FRYL: variants seen among roughly 807,000 people sequenced by gnomAD.
FRYL encodes the protein FRY like transcription coactivator.
Under a neutral mutation model 351.2 loss-of-function variants are expected in FRYL, and 150 were observed. The ratio of observed to expected loss-of-function variants is 0.43; its 90% CI spans 0.37 to 0.49. The LOEUF is 0.49. Among genes scored for constraint, FRYL ranks in the 20% least tolerant of loss-of-function variants. FRYL has a pLI of 0.00. For synonymous variants in FRYL, 1,153 were observed against 1,257.1 expected (o/e 0.92, Z 1.75); for missense variants, 3,036 against 3,619.3 (o/e 0.84, Z 4.13).
At chr4:48,686,540 C>T (rs1425919516) in intron 2 of FRYL, among the ~76,000 whole-genome samples, 1 of 152,168 alleles carries the variant, frequency 6.6e-6, no homozygotes, top group South Asian at 2.1e-4. Flanking sequence ...AAATAGCATG[C>T]CATGTCTTGT....
intron 55 of FRYL, among the ~76,000 whole-genome samples, chr4:48,518,849 T>G (rs769726887): frequency 2.0e-5 from 3 of 152,226 alleles, no homozygotes; most frequent in African/African-American, 7.2e-5. Flanking sequence ...ATGAGACATA[T>G]TATTTACATT....
intron 3 of FRYL, among the ~76,000 whole-genome samples, chr4:48,641,598 C>T (rs941323077): frequency 2.0e-5 from 3 of 152,086 alleles, no homozygotes; most frequent in Non-Finnish European, 4.4e-5. Context: ...AACATCACTC[C>T]TAATTATAGC....
intron 53 of FRYL, among the ~76,000 whole-genome samples, chr4:48,523,715 A>C (rs1427955137): frequency 6.6e-6 from 1 of 152,212 alleles, no homozygotes. Flanking sequence ...TTAAAACAAC[A>C]TTTCTATGAT....
intron 50 of FRYL, among the ~76,000 whole-genome samples, chr4:48,530,683 T>C (rs551463978): frequency 6.6e-6 from 1 of 152,264 alleles, no homozygotes; most frequent in South Asian, 2.1e-4. Flanking sequence ...AACACCATGC[T>C]TTCTCACGCT....
At chr4:48,756,586 T>C (rs570885068) in intron 1 of FRYL, among the ~76,000 whole-genome samples, 7 of 152,308 alleles carry the variant, frequency 4.6e-5, no homozygotes, top group Admixed American at 1.3e-4. Flanking sequence ...ACAACCAACA[T>C]AGTGTTTATT....
At chr4:48,565,492 GCTCTT>G in intron 29 of FRYL, 34 bp downstream of exon 29, 1 of 1,466,216 alleles carries the variant, frequency 6.8e-7, no homozygotes, top group Non-Finnish European at 9.1e-7. Context: ...ACTTAACTCT[GCTCTT>G]AAGAAAAAAG....
At position 48,590,819 on chromosome 4, in the gene FRYL, T is replaced by C. The variant is rs1743071182; in HGVS notation, c.1347A>G (p.Ile449Met). 1 of 1,607,698 alleles carries C rather than the reference T, an allele frequency of 6.2e-7. No individual in the cohort carries two copies. The highest frequency in any genetic ancestry group is 1.1e-5 in the South Asian group (1 of 89,368). Residue 449 changes from isoleucine to methionine, a missense_variant, in exon 17 of 64, where the codon ATA (isoleucine) becomes ATG (methionine). Physicochemically the swap from Ile to Met is conservative, Grantham distance 10. This residue lies in a region of FRYL where 457 missense variants were observed against 566.6 expected (regional missense o/e 0.81). Coordinates refer to ENST00000358350, the MANE Select transcript of FRYL (RefSeq NM_015030.2). ...TFTINPERMN[I>M]GLRVFLVIAD... ...CTATTACAAGGAAGACTCTGAGACC[T>C]ATGTTCATTCTCTTCAAAGGAAAAA...
At position 48,576,066 on chromosome 4, in the gene FRYL, C is replaced by T. The variant is rs780941962; in HGVS notation, c.2685G>A (p.Ala895=). The T allele has an allele frequency of 7.4e-6, 12 of 1,612,916 alleles. No homozygotes were observed. Among genetic ancestry groups the T allele is most frequent in the Admixed American group, 3.3e-5 (2 of 59,816 alleles). Residue 895 remains alanine (A), a synonymous_variant, in exon 24 of 64, where the codon GCG becomes GCA. Transcript: ENST00000358350. Reference sequence around the variant, plus strand: ...TGCTATAGCCGCTATCTGGGGTAGACGCCAGCGTCTCAGGAGGAGAACATC... The same window carrying T: ...TGCTATAGCCGCTATCTGGGGTAGATGCCAGCGTCTCAGGAGGAGAACATC... The part of the protein sequence containing the change: ...SVRCSPPETL[A]STPDSGYSID...
chr4:48,711,848 C>T lies in FRYL; in HGVS notation c.-383-1150G>A, dbSNP rs558656284. On this transcript the variant is annotated intron_variant, in intron 1 of 63. Coordinates refer to ENST00000358350, the MANE Select transcript of FRYL (RefSeq NM_015030.2). ...GGGGCAGACTGACACCTCACACGGC[C>T]GGGTACTCCTCTGAGACAAAACTTC... Among the ~76,000 whole-genome samples, 26 of 152,170 alleles carry T rather than the reference C, an allele frequency of 1.7e-4. No individual in the cohort carries two copies. The South Asian group carries it at 3.5e-3, about 21-fold the overall frequency.
At chr4:48,713,718 A>G (rs1204338431) in intron 1 of FRYL, among the ~76,000 whole-genome samples, 1 of 152,198 alleles carries the variant, frequency 6.6e-6, no homozygotes, top group Non-Finnish European at 1.5e-5. Flanking sequence ...TCAATGAGAT[A>G]GAAAGTTAAC....
At chr4:48,641,198 A>G (rs1456026767) in intron 3 of FRYL, among the ~76,000 whole-genome samples, 1 of 152,094 alleles carries the variant, frequency 6.6e-6, no homozygotes, top group African/African-American at 2.4e-5. Context: ...AATATAAGTA[A>G]TGTGTATGCT....
chr4:48,742,469 A>T (rs1252129702), intron 1 of FRYL, among the ~76,000 whole-genome samples: 1 of 152,170 alleles, frequency 6.6e-6, no homozygotes, highest in Non-Finnish European at 1.5e-5. Context: ...CACAGGACTC[A>T]GTCTCTGGAC....
intron 19 of FRYL, among the ~76,000 whole-genome samples, chr4:48,584,099 A>T (rs1741550512): frequency 6.6e-6 from 1 of 152,146 alleles, no homozygotes; most frequent in Admixed American, 6.5e-5. Context: ...AAATTCTTTT[A>T]AAAAAATGGC....
At chr4:48,758,031 A>G (rs1773984156) in intron 1 of FRYL, among the ~76,000 whole-genome samples, 1 of 152,232 alleles carries the variant, frequency 6.6e-6, no homozygotes, top group South Asian at 2.1e-4. Context: ...CTGGCTAACC[A>G]TATGTAGAAA....
chr4:48,574,540 G>C (rs535565923), intron 25 of FRYL: 1 of 152,006 alleles, frequency 6.6e-6, no homozygotes, highest in Non-Finnish European at 1.5e-5. Context: ...CCTATTCCCT[G>C]GTTGTATAGG....
At chr4:48,770,317 T>C (rs992119532) in intron 1 of FRYL, among the ~76,000 whole-genome samples, 7 of 152,208 alleles carry the variant, frequency 4.6e-5, no homozygotes, top group African/African-American at 7.2e-5. Flanking sequence ...ATTTTTCTTA[T>C]TTTACAAATT....
chr4:48,656,218 A>G (rs1758932735), intron 3 of FRYL, among the ~76,000 whole-genome samples: 1 of 133,362 alleles, frequency 7.5e-6, no homozygotes, highest in Non-Finnish European at 1.5e-5. Context: ...TATTCATTAT[A>G]TATTCATGAA....
rs769053113 is a variant in FRYL, at chr4:48,540,764, T to C, written c.5884A>G (p.Ile1962Val). The C allele has an allele frequency of 6.2e-7, 1 of 1,614,050 alleles. No homozygotes were observed. The highest frequency in any genetic ancestry group is 8.5e-7 in the Non-Finnish European group (1 of 1,179,936). The change falls in exon 46 of 64, where the codon ATA (isoleucine) becomes GTA (valine). Residue 1962 changes from isoleucine to valine, a missense_variant. By Grantham distance (29) the Ile-to-Val change is conservative. Around this residue, in one of 7 missense-constraint regions of FRYL, gnomAD observed 1,987 missense variants for 2,311.7 expected, o/e 0.86. Coordinates refer to ENST00000358350, the MANE Select transcript of FRYL (RefSeq NM_015030.2). ...CTATGGTTTATCCGTCCATCCATTA[T>C]ATCCAGTGTGTTACTCCGCCGCCGG... Reference protein sequence around the residue: ...GDRRRSNTLDIMDGRINHSSS... With the variant: ...GDRRRSNTLDVMDGRINHSSS...
intron 2 of FRYL, among the ~76,000 whole-genome samples, chr4:48,700,798 A>T (rs12499963): frequency 0.97 from 147,566 of 151,368 alleles, 72,034 homozygotes; most frequent in East Asian, 1. Context: ...CAAGACCCTG[A>T]CTCAAAAAAA....
Sources: allele counts gnomAD v4.1 joint callset (sites outside exome capture counted in the v4.1 genomes callset), GRCh38; gene constraint gnomAD v4.1.1; regional missense constraint gnomAD v4.1.1; transcripts MANE v1.5; gene names NCBI Gene and HGNC (gene_info 2026-07-23, HGNC 2026-07-21).